The following CTNNA2 variants were observed in gnomAD, a reference collection of about 807,000 sequenced individuals.
CTNNA2 encodes catenin alpha-2.
CTNNA2 carries 42 observed loss-of-function variants against 101.0 expected under a neutral mutation model. The ratio of observed to expected loss-of-function variants is 0.42; its 90% CI spans 0.32 to 0.54. The LOEUF is 0.54. CTNNA2 is among the 20% of genes least tolerant of loss of function. The pLI, the probability that CTNNA2 is intolerant of heterozygous loss-of-function variation, is 0.14. For synonymous variants in CTNNA2, 450 were observed against 456.4 expected (o/e 0.99, Z 0.18); for missense variants, 871 against 1,223.1 (o/e 0.71, Z 4.29).
Position 80,303,808 on chromosome 2 carries a change from C to G in CTNNA2, c.1057-89403C>G. 1 of 1,509,890 alleles carries G rather than the reference C, an allele frequency of 6.6e-7. No homozygotes were observed. The highest frequency in any genetic ancestry group is 8.9e-7 in the Non-Finnish European group (1 of 1,129,522). The allele number at this position is 1,509,890 out of a possible 1,614,324, so 93.5% of individuals were successfully genotyped here. A position where few individuals can be genotyped will look rare whatever the true frequency, so the allele number is the denominator to read the frequency against. The stretch of plus-strand genomic sequence containing the variant: ...GCCAGTATAGACAGAGACCGAGCAG[C>G]AGGAAATCCATTAGCGAGAATCTTT... On this transcript the variant is annotated intron_variant, in intron 7 of 18. Coordinates refer to ENST00000402739, the MANE Select transcript of CTNNA2 (RefSeq NM_001282597.3). This position sits in a 1 kb window ranked among gnomAD's most constrained non-coding sequence, Gnocchi z 7.7.
intron 2 of CTNNA2, among the ~76,000 whole-genome samples, chr2:79,311,173 GC>G (rs1320332258): frequency 2.6e-5 from 4 of 152,248 alleles, no homozygotes; most frequent in Non-Finnish European, 5.9e-5. Context: ...ACTTTGGGAG[GC>G]CGAGGCGGGC....
At chr2:79,845,906 G>T (rs944008536) in intron 3 of CTNNA2, among the ~76,000 whole-genome samples, 1 of 152,284 alleles carries the variant, frequency 6.6e-6, no homozygotes, top group East Asian at 1.9e-4. Flanking sequence ...TGGTGGTGAC[G>T]TGGGGACCTC....
At chr2:79,723,636 T>TA (rs1686628628) in intron 2 of CTNNA2, among the ~76,000 whole-genome samples, 1 of 152,160 alleles carries the variant, frequency 6.6e-6, no homozygotes. Context: ...ATCGAATCAG[T>TA]AAGCATTCTG....
chr2:80,202,569 C>T (rs997192013), intron 7 of CTNNA2, among the ~76,000 whole-genome samples: 1 of 152,100 alleles, frequency 6.6e-6, no homozygotes, highest in South Asian at 2.1e-4. Context: ...TCCCTTTCAT[C>T]TCTTTTACAC....
chr2:80,083,500 G>A (rs560927928), intron 7 of CTNNA2, among the ~76,000 whole-genome samples: 1 of 152,116 alleles, frequency 6.6e-6, no homozygotes, highest in African/African-American at 2.4e-5. Context: ...ATGGGCATGG[G>A]TATTCTACGC....
At chr2:80,326,142 A>G (rs1679220729) in intron 7 of CTNNA2, among the ~76,000 whole-genome samples, 1 of 152,218 alleles carries the variant, frequency 6.6e-6, no homozygotes, top group Non-Finnish European at 1.5e-5. Flanking sequence ...CTGGCATTTG[A>G]AAGGGAATAA....
intron 7 of CTNNA2, among the ~76,000 whole-genome samples, chr2:79,945,257 T>G (rs1218491413): frequency 1.3e-5 from 2 of 152,054 alleles, no homozygotes; most frequent in Non-Finnish European, 2.9e-5. Context: ...CCCAGGCTGG[T>G]CTTACATTCC....
intron 7 of CTNNA2, among the ~76,000 whole-genome samples, chr2:80,286,313 G>A (rs554608626): frequency 2.0e-5 from 3 of 151,990 alleles, no homozygotes; most frequent in South Asian, 2.1e-4. Flanking sequence ...CCGCCCCACC[G>A]TGAGATGATA....
intron 7 of CTNNA2, among the ~76,000 whole-genome samples, chr2:80,042,092 G>A (rs1393636008): frequency 6.6e-6 from 1 of 152,154 alleles, no homozygotes; most frequent in Non-Finnish European, 1.5e-5. Context: ...AGCTTCCCAA[G>A]TAGCTAGGAT....
intron 7 of CTNNA2, among the ~76,000 whole-genome samples, chr2:80,232,597 C>T (rs1263568220): frequency 6.6e-6 from 1 of 151,838 alleles, no homozygotes; most frequent in Non-Finnish European, 1.5e-5. Flanking sequence ...GGATGGATTG[C>T]AAGCTTGGAG....
chr2:80,347,371 C>T (rs942808702), intron 7 of CTNNA2, among the ~76,000 whole-genome samples: 1 of 152,128 alleles, frequency 6.6e-6, no homozygotes, highest in African/African-American at 2.4e-5. Context: ...CAGCTAAAGC[C>T]CCAAGACAAG....
At chr2:79,490,934 G>A (rs562757836) in intron 4 of CTNNA2, among the ~76,000 whole-genome samples, 19 of 152,246 alleles carry the variant, frequency 1.2e-4, no homozygotes, top group Non-Finnish European at 2.1e-4. Context: ...TGTGATATGA[G>A]GATATTAGTA....
At chr2:80,483,075 G>A (rs1304907715) in intron 9 of CTNNA2, among the ~76,000 whole-genome samples, 1 of 152,092 alleles carries the variant, frequency 6.6e-6, no homozygotes, top group East Asian at 1.9e-4. Flanking sequence ...TGAGGACCAG[G>A]CATGCTTTTG....
rs146450849 is a variant in CTNNA2 at position 79,600,740 on chromosome 2, C to T, written c.-5-50812C>T. 2.2e-3 allele frequency among the ~76,000 whole-genome samples: 330 copies of T among 152,216 alleles called. 4 individuals are homozygous for T. Among genetic ancestry groups the T allele is most frequent in the African/African-American group, 7.0e-3 (290 of 41,520 alleles). On this transcript the variant is annotated intron_variant, in intron 1 of 18. Coordinates refer to ENST00000402739, the MANE Select transcript of CTNNA2 (RefSeq NM_001282597.3). The stretch of plus-strand genomic sequence containing the variant: ...AGCTTAAACAGACATTTATTTCTCA[C>T]GGTTATGGAGGCTGTTAAGGCCAAG...
intron 9 of CTNNA2, among the ~76,000 whole-genome samples, chr2:80,458,047 G>A (rs566834881): frequency 6.6e-6 from 1 of 152,284 alleles, no homozygotes; most frequent in South Asian, 2.1e-4. Context: ...GGGCAAGAAG[G>A]AGTATCTATT....
In CTNNA2 at chr2:79,352,155, C is replaced by A. The variant is rs138060178; in HGVS notation, c.-317-21676C>A. Among the ~76,000 whole-genome samples the A allele has an allele frequency of 4.6e-5, 7 of 152,044 alleles. No homozygotes were observed. In the East Asian group the frequency reaches 1.4e-3, roughly 29 times the overall value. ...GATGATATCTCGTTGTTTTTATTTG[C>A]ATTTCTCTAATAAGTCGTGATAATT... On this transcript the variant is annotated intron_variant, in intron 3 of 21. Transcript: ENST00000466387.
At chr2:79,946,379 TCACCATGTTAATTA>T (rs1302867231) in intron 7 of CTNNA2, among the ~76,000 whole-genome samples, 1 of 152,194 alleles carries the variant, frequency 6.6e-6, no homozygotes, top group African/African-American at 2.4e-5. Context: ...ACCCTTTGGC[TCACCATGTTAATTA>T]CACTGAGAAC....
chr2:80,348,247 C>T (rs904287512), intron 7 of CTNNA2, among the ~76,000 whole-genome samples: 2 of 152,108 alleles, frequency 1.3e-5, no homozygotes, highest in Admixed American at 6.6e-5. Flanking sequence ...TAGTTTACTG[C>T]TTTTTCTATT....
intron 1 of CTNNA2, among the ~76,000 whole-genome samples, chr2:79,649,760 T>G (rs901612959): frequency 1.1e-4 from 16 of 152,196 alleles, no homozygotes; most frequent in African/African-American, 3.9e-4. Flanking sequence ...TTGCTATGCT[T>G]AGTTTATTTA....
Sources: allele counts gnomAD v4.1 joint callset (sites outside exome capture counted in the v4.1 genomes callset), GRCh38; gene constraint gnomAD v4.1.1; non-coding constraint Gnocchi (gnomAD v3.1); transcripts MANE v1.5; gene names NCBI Gene and HGNC (gene_info 2026-07-23, HGNC 2026-07-21).